GABRR3: variants seen among roughly 807,000 people sequenced by gnomAD.
GABRR3 encodes gamma-aminobutyric acid type A receptor subunit rho3.
Under a neutral mutation model 43.2 loss-of-function variants are expected in GABRR3, and 29 were observed. The ratio of observed to expected loss-of-function variants is 0.67; its 90% CI spans 0.50 to 0.92. The LOEUF (loss-of-function observed/expected upper bound fraction) is 0.92, where lower values mean the gene tolerates loss of function less well. GABRR3 is among the 40% of genes least tolerant of loss of function. The pLI, the probability that GABRR3 is intolerant of heterozygous loss-of-function variation, is 0.00. For synonymous variants in GABRR3, 206 were observed against 195.9 expected, an observed-to-expected ratio of 1.05 and a Z score of -0.43; for missense variants, 576 against 572.3, an observed-to-expected ratio of 1.01 and a Z score of -0.07.
At chr3:98,016,251 G>A (rs1706872042) in intron 4 of GABRR3, among the ~76,000 whole-genome samples, 1 of 152,116 alleles carries the variant, frequency 6.6e-6, no homozygotes, top group South Asian at 2.1e-4. Flanking sequence ...GATCCTTCAG[G>A]AATAGCTTGG....
At chr3:97,985,859 A>T (rs1028406212), downstream of GABRR3, among the ~76,000 whole-genome samples, 7 of 149,654 alleles carry the variant, frequency 4.7e-5, no homozygotes, top group African/African-American at 1.7e-4. Flanking sequence ...ATATATATAT[A>T]TTTTTTTTTA....
At chr3:98,020,952 C>G (rs1390843020) in intron 3 of GABRR3, among the ~76,000 whole-genome samples, 2 of 149,856 alleles carry the variant, frequency 1.3e-5, no homozygotes, top group East Asian at 2.0e-4. Context: ...ACCTCCACCT[C>G]CTGGGTTCAA....
At chr3:98,008,853 T>C (rs1310402073) in intron 6 of GABRR3, 103 bp downstream of exon 6, 5 of 446,364 alleles carry the variant, frequency 1.1e-5, no homozygotes, top group Non-Finnish European at 1.9e-5. Context: ...GATAAATATA[T>C]CAGTATTTTA....
At chr3:98,015,837 G>T (rs544800112) in intron 4 of GABRR3, among the ~76,000 whole-genome samples, 2 of 152,354 alleles carry the variant, frequency 1.3e-5, no homozygotes, top group East Asian at 3.9e-4. Context: ...TTGATACCCA[G>T]TGTTGGAGGT....
intron 3 of GABRR3, among the ~76,000 whole-genome samples, chr3:98,022,459 A>G (rs1706959799): frequency 6.6e-6 from 1 of 152,238 alleles, no homozygotes; most frequent in Admixed American, 6.5e-5. Context: ...GGGAAAAAGT[A>G]TGTGCGTGTG....
intron 2 of GABRR3, among the ~76,000 whole-genome samples, chr3:98,031,042 G>A (rs748187041): frequency 1.3e-5 from 2 of 152,138 alleles, no homozygotes; most frequent in South Asian, 2.1e-4. Flanking sequence ...TAGAGAAAAC[G>A]TGGTACATCA....
rs141225004 is a variant in GABRR3, at chr3:97,995,137, T to C, written c.908-2089A>G. 1.1e-4 allele frequency among the ~76,000 whole-genome samples: 17 copies of C among 152,026 alleles called. No individual in the cohort carries two copies. The East Asian group carries it at 3.3e-3, about 29-fold the overall frequency. ...GGGATTACAGGCATGCACCACCACCTGGGCTAATTTTGTATTTTTAGTAGA... is the reference window on the plus strand; with the variant it reads ...GGGATTACAGGCATGCACCACCACCCGGGCTAATTTTGTATTTTTAGTAGA... On this transcript the variant is annotated intron_variant, in intron 8 of 9. Coordinates refer to ENST00000621172, the Ensembl canonical transcript of GABRR3.
intron 3 of GABRR3, among the ~76,000 whole-genome samples, chr3:98,018,602 A>G (rs1403343028): frequency 6.6e-6 from 1 of 152,134 alleles, no homozygotes; most frequent in African/African-American, 2.4e-5. Flanking sequence ...TAACATCAAC[A>G]TTTAGTTTTG....
chr3:98,009,924 T>C (rs1706766928), intron 5 of GABRR3, among the ~76,000 whole-genome samples: 1 of 152,170 alleles, frequency 6.6e-6, no homozygotes, highest in Non-Finnish European at 1.5e-5. Flanking sequence ...CCCTCCGAGG[T>C]GTTTCAGTTC....
chr3:98,005,651 G>A (rs1706715242), intron 7 of GABRR3, among the ~76,000 whole-genome samples: 1 of 152,154 alleles, frequency 6.6e-6, no homozygotes, highest in Non-Finnish European at 1.5e-5. Flanking sequence ...CAAAAAGTCT[G>A]ACAAGCACAA....
rs1455242246 is a variant in GABRR3 at position 97,995,004 on chromosome 3, G to A, written c.908-1956C>T. On this transcript the variant is annotated intron_variant, in intron 8 of 9. Transcript: ENST00000621172. ...TGAATTTTTTTTTTTTTGAGATGGA[G>A]TTTTGCTCTTGTCCCCCAGGCTGGA... Among the ~76,000 whole-genome samples the A allele has an allele frequency of 2.0e-5, 3 of 151,868 alleles. No homozygotes were observed. The East Asian group carries it at 5.8e-4, about 29-fold the overall frequency.
exon 5 of GABRR3, chr3:98,012,459 T>G: frequency 1.2e-6 from 2 of 1,613,990 alleles, no homozygotes; most frequent in South Asian, 2.2e-5. Context: ...GGCACCCAGA[T>G]CTTTCTGGTC....
intron 8 of GABRR3, chr3:97,998,856 G>A (rs1706595160): frequency 6.6e-6 from 1 of 152,052 alleles, no homozygotes; most frequent in African/African-American, 2.4e-5. Flanking sequence ...AACTTGTAAT[G>A]AATTGATTAT....
chr3:98,027,725 C>T (rs961341033), intron 2 of GABRR3, among the ~76,000 whole-genome samples: 1 of 152,142 alleles, frequency 6.6e-6, no homozygotes, highest in Non-Finnish European at 1.5e-5. Context: ...CTTAAATACG[C>T]TTTTAAAGAA....
At chr3:97,991,409 G>A (rs1038026949) in intron 9 of GABRR3, among the ~76,000 whole-genome samples, 2 of 152,152 alleles carry the variant, frequency 1.3e-5, no homozygotes, top group Non-Finnish European at 2.9e-5. Context: ...TGATGCCTAC[G>A]CACCACTGCC....
chr3:98,012,872 A>C (rs541737243), intron 4 of GABRR3, among the ~76,000 whole-genome samples: 4 of 152,360 alleles, frequency 2.6e-5, no homozygotes, highest in African/African-American at 9.6e-5. Context: ...AAATAACCTA[A>C]AGAGATTTCA....
At chr3:98,015,508 T>G (rs1706863095) in intron 4 of GABRR3, among the ~76,000 whole-genome samples, 1 of 152,244 alleles carries the variant, frequency 6.6e-6, no homozygotes, top group Admixed American at 6.5e-5. Context: ...AACATTAAAT[T>G]GTTTACTACT....
At chr3:98,008,924 G>A in intron 6 of GABRR3, 32 bp downstream of exon 6, 4 of 1,298,954 alleles carry the variant, frequency 3.1e-6, no homozygotes, top group Non-Finnish European at 4.4e-6. Context: ...TTCAAATGAT[G>A]TGCACTCACT....
intron 2 of GABRR3, among the ~76,000 whole-genome samples, chr3:98,032,651 T>C (rs975719534): frequency 6.6e-6 from 1 of 152,208 alleles, no homozygotes; most frequent in Non-Finnish European, 1.5e-5. Flanking sequence ...TTTGAATACA[T>C]ATTTTTTTAA....
Sources: gnomAD v4.1 joint callset for allele counts (sites outside exome capture counted in the v4.1 genomes callset) on GRCh38, gnomAD v4.1.1 for gene constraint, MANE v1.5 for transcripts, NCBI Gene and HGNC (gene_info 2026-07-23, HGNC 2026-07-21) for gene names.